PPP2R1A: variants seen among roughly 807,000 people sequenced by gnomAD.
PPP2R1A encodes the protein serine/threonine-protein phosphatase 2A 65 kDa regulatory subunit A alpha isoform.
PPP2R1A carries 15 observed loss-of-function variants against 67.1 expected under a neutral mutation model. That is an observed-to-expected ratio of 0.22 (90% CI 0.15 to 0.34). The LOEUF (loss-of-function observed/expected upper bound fraction) is 0.34, where lower values mean the gene tolerates loss of function less well. Ranked by LOEUF, PPP2R1A falls within the 10% of genes least tolerant of loss-of-function variation. PPP2R1A has a pLI of 1.00. For synonymous variants in PPP2R1A, 337 were observed against 325.0 expected (o/e 1.04, Z -0.40); for missense variants, 369 against 775.0 (o/e 0.48, Z 6.22).
chr19:52,222,718 A>G (rs1403561855), intron 13 of PPP2R1A, among the ~76,000 whole-genome samples: 1 of 152,232 alleles, frequency 6.6e-6, no homozygotes, highest in Non-Finnish European at 1.5e-5. Context: ...TCTAGTAAAA[A>G]TACAAAAAAT....
chr19:52,207,164 C>T (rs554179735), intron 3 of PPP2R1A, among the ~76,000 whole-genome samples: 8 of 152,178 alleles, frequency 5.3e-5, no homozygotes, highest in South Asian at 2.1e-4. Flanking sequence ...ACAAATAGAT[C>T]GTTTCATACA....
chr19:52,196,592 AG>A (rs1488983766), intron 1 of PPP2R1A, among the ~76,000 whole-genome samples: 1 of 152,214 alleles, frequency 6.6e-6, no homozygotes, highest in African/African-American at 2.4e-5. Flanking sequence ...GCCAAGAACT[AG>A]GTCATATGCA....
At position 52,206,029 on chromosome 19, in the gene PPP2R1A, T is replaced by C. The variant is rs772287376; in HGVS notation, c.236T>C (p.Leu79Pro). 1 of 1,614,126 alleles carries C rather than the reference T, an allele frequency of 6.2e-7. No homozygotes were observed. The highest frequency in any genetic ancestry group is 1.7e-5 in the Admixed American group (1 of 60,022). ...LAEQLGTFTT[L>P]VGGPEYVHCL... ...GAACAGCTGGGAACCTTCACTACCC[T>C]GGTGGGAGGCCCAGAGTACGTGCAC... The change falls in exon 3 of 15, where the codon CTG (leucine) becomes CCG (proline). Residue 79 changes from leucine to proline, a missense_variant. Leu to Pro is a moderately conservative substitution (Grantham distance 98, BLOSUM62 -3). Around this residue, in one of 2 missense-constraint regions of PPP2R1A, gnomAD observed 93 missense variants for 266.5 expected, o/e 0.35. Transcript: ENST00000322088.
intron 3 of PPP2R1A, among the ~76,000 whole-genome samples, chr19:52,208,590 C>T (rs1054809965): frequency 6.6e-6 from 1 of 152,164 alleles, no homozygotes; most frequent in Non-Finnish European, 1.5e-5. Context: ...GCCTCTGCCT[C>T]CCGGGTTCAA....
intron 11 of PPP2R1A, 62 bp downstream of exon 11, chr19:52,220,311 G>T (rs1363444072): frequency 6.4e-7 from 1 of 1,570,498 alleles, no homozygotes; most frequent in East Asian, 2.2e-5. Context: ...GGATGGATTG[G>T]CTGGGGCTGT....
At chr19:52,222,398 A>C in intron 13 of PPP2R1A, 157 bp downstream of exon 13, 7 of 1,141,516 alleles carry the variant, frequency 6.1e-6, no homozygotes, top group Non-Finnish European at 7.1e-6. Context: ...GTGTTTTCTC[A>C]ACTGTAAAAT....
At chr19:52,221,566 TTGTAAATAATTCATAC>T (rs1366378878) in intron 12 of PPP2R1A, among the ~76,000 whole-genome samples, 1 of 152,154 alleles carries the variant, frequency 6.6e-6, no homozygotes, top group Non-Finnish European at 1.5e-5. Flanking sequence ...GTCTTCTCAT[TTGTAAATAATTCATAC>T]TGTAAAGAAT....
chr19:52,222,212 G>A lies in PPP2R1A; in HGVS notation c.1632G>A (p.Leu544=), dbSNP rs2122369996. 1 of 1,614,154 alleles carries A rather than the reference G, an allele frequency of 6.2e-7. No individual in the cohort carries two copies. The highest frequency in any genetic ancestry group is 1.1e-5 in the South Asian group (1 of 91,082). ...TCCGCTTCAATGTGGCCAAGTCTCT[G>A]CAGAAGATAGGGCCCATCCTGGACA... ...ANVRFNVAKS[L]QKIGPILDNS... is the part of the protein sequence containing the mutation. The change falls in exon 13 of 15, where the codon CTG becomes CTA. Residue 544 remains leucine, a synonymous_variant. Transcript: ENST00000322088.
chr19:52,220,610 A>G (rs1267763403), intron 11 of PPP2R1A, among the ~76,000 whole-genome samples: 1 of 152,160 alleles, frequency 6.6e-6, no homozygotes, highest in African/African-American at 2.4e-5. Context: ...TGGGGCCATT[A>G]TGAGAATGGC....
chr19:52,216,503 C>T lies in PPP2R1A; in HGVS notation c.994-26C>T, dbSNP rs1008388178. 8 of 1,614,038 alleles carry T rather than the reference C, an allele frequency of 5.0e-6. No individual in the cohort carries two copies. Among genetic ancestry groups the T allele is most frequent in the Non-Finnish European group, 6.8e-6 (8 of 1,179,994 alleles). On this transcript the variant is annotated intron_variant, in intron 8 of 14. Transcript: ENST00000322088. This position sits in a 1 kb window ranked among gnomAD's most constrained non-coding sequence, Gnocchi z 4.3. ...GCTGCTGCAGGGGTTGCACTGACCCCTGTGCCTGCCTCTTCTCTCTCCCAG... is the reference window on the plus strand; with the variant it reads ...GCTGCTGCAGGGGTTGCACTGACCCTTGTGCCTGCCTCTTCTCTCTCCCAG...
chr19:52,205,144 C>A (rs145345984), intron 2 of PPP2R1A, among the ~76,000 whole-genome samples: 1 of 152,204 alleles, frequency 6.6e-6, no homozygotes, highest in Non-Finnish European at 1.5e-5. Context: ...GATTGCCATA[C>A]ACCCAACTTA....
At chr19:52,215,198 G>A (rs1298291272) in intron 6 of PPP2R1A, among the ~76,000 whole-genome samples, 2 of 152,062 alleles carry the variant, frequency 1.3e-5, no homozygotes, top group African/African-American at 4.8e-5. Context: ...TAGGACGATA[G>A]GTGCCTGCCC....
intron 3 of PPP2R1A, among the ~76,000 whole-genome samples, chr19:52,208,258 T>TC (rs2089626296): frequency 6.6e-6 from 1 of 152,118 alleles, no homozygotes; most frequent in South Asian, 2.1e-4. Context: ...AACCTCTGCC[T>TC]CCCAGGTTCA....
chr19:52,220,098 G>A, intron 10 of PPP2R1A, 91 bp from the exon 11 acceptor site: 2 of 1,406,158 alleles, frequency 1.4e-6, no homozygotes, highest in South Asian at 1.2e-5. Context: ...GTCTTTCTAG[G>A]GTGGGTGTAG....
intron 1 of PPP2R1A, among the ~76,000 whole-genome samples, chr19:52,190,485 G>A (rs1468916194): frequency 6.6e-6 from 1 of 152,128 alleles, no homozygotes; most frequent in Admixed American, 6.5e-5. Flanking sequence ...GGAGAGAGGA[G>A]GACTCCGTGA....
intron 13 of PPP2R1A, among the ~76,000 whole-genome samples, chr19:52,224,282 C>T (rs951902427): frequency 6.6e-6 from 1 of 152,192 alleles, no homozygotes; most frequent in African/African-American, 2.4e-5. Flanking sequence ...TAGTTTCTCT[C>T]CGAAGTCCCC....
At chr19:52,194,028 G>A (rs924526374) in intron 1 of PPP2R1A, among the ~76,000 whole-genome samples, 37 of 145,084 alleles carry the variant, frequency 2.6e-4, no homozygotes, top group African/African-American at 6.4e-4. Flanking sequence ...TCGGAGGATT[G>A]CTTGAACCAG....
At chr19:52,221,200 T>C in intron 12 of PPP2R1A, 67 bp downstream of exon 12, 1 of 1,592,308 alleles carries the variant, frequency 6.3e-7, no homozygotes, top group Non-Finnish European at 8.6e-7. Flanking sequence ...GGAGGGATGC[T>C]AGAGGGTTCC....
At position 52,213,011 on chromosome 19, in the gene PPP2R1A, C is replaced by T. The variant is rs2122338058; in HGVS notation, c.708C>T (p.Pro236=). The T allele has an allele frequency of 1.2e-6, 2 of 1,612,280 alleles. No individual in the cohort carries two copies. Among genetic ancestry groups the T allele is most frequent in the Non-Finnish European group, 1.7e-6 (2 of 1,179,558 alleles). The change falls in exon 6 of 15, where the codon CCC becomes CCT. Residue 236 remains proline (P), a synonymous_variant. Coordinates refer to ENST00000322088, the MANE Select transcript of PPP2R1A (RefSeq NM_014225.6). This position sits in a 1 kb window ranked among gnomAD's most constrained non-coding sequence, Gnocchi z 4.2. ...GCGTGAACATCGCCCAGCTTCTGCC[C>T]CAGGAGGATCTGGAGGCCCTGGTGA... ...EACVNIAQLL[P]QEDLEALVMP...
Sources: gnomAD v4.1 joint callset for allele counts (sites outside exome capture counted in the v4.1 genomes callset) on GRCh38, gnomAD v4.1.1 for gene constraint, gnomAD v4.1.1 regional missense constraint, Gnocchi (gnomAD v3.1) non-coding constraint, MANE v1.5 for transcripts, NCBI Gene and HGNC (gene_info 2026-07-23, HGNC 2026-07-21) for gene names.